NRXN3: variants seen among roughly 807,000 people sequenced by gnomAD.
The protein encoded by NRXN3 is neurexin 3, also known as neurexin III.
In NRXN3, 32 loss-of-function variants were observed where a neutral mutation model predicts 137.6. The ratio of observed to expected loss-of-function variants is 0.23; its 90% CI spans 0.18 to 0.31. The LOEUF (loss-of-function observed/expected upper bound fraction) is 0.31. Ranked by LOEUF, NRXN3 falls within the 10% of genes least tolerant of loss-of-function variation. NRXN3 has a pLI of 1.00. For synonymous variants in NRXN3, 798 were observed against 784.5 expected, an observed-to-expected ratio of 1.02 and a Z score of -0.29; for missense variants, 1,574 against 2,062.5, an observed-to-expected ratio of 0.76 and a Z score of 4.59.
intron 15 of NRXN3, among the ~76,000 whole-genome samples, chr14:79,173,746 G>A (rs1208312893): frequency 6.6e-6 from 1 of 152,044 alleles, no homozygotes; most frequent in Non-Finnish European, 1.5e-5. Flanking sequence ...CTCATACAAT[G>A]ACTCCATGTG....
chr14:79,338,860 T>C (rs1045493642), intron 15 of NRXN3, among the ~76,000 whole-genome samples: 11 of 152,220 alleles, frequency 7.2e-5, no homozygotes, highest in African/African-American at 2.7e-4. Flanking sequence ...TTGTTAATTA[T>C]TTGACATGTT....
intron 4 of NRXN3, among the ~76,000 whole-genome samples, chr14:78,300,081 CTTATTCCTTCAACATGAAA>C (rs1297796306): frequency 2.0e-5 from 3 of 151,378 alleles, no homozygotes; most frequent in East Asian, 3.9e-4. Flanking sequence ...TTTCCTTTTC[CTTATTCCTTCAACATGAAA>C]AAAGGAGGCT....
chr14:79,758,514 G>C (rs759090977), intron 19 of NRXN3, among the ~76,000 whole-genome samples: 1 of 152,110 alleles, frequency 6.6e-6, no homozygotes, highest in Non-Finnish European at 1.5e-5. Context: ...CCATTCATGC[G>C]GGATCTGCCC....
At chr14:79,169,901 A>G (rs1224902752) in intron 15 of NRXN3, among the ~76,000 whole-genome samples, 5 of 152,088 alleles carry the variant, frequency 3.3e-5, no homozygotes, top group South Asian at 4.1e-4. Context: ...AGGCCAATCC[A>G]CAGGTGAGAT....
At chr14:78,600,161 G>A (rs1226718712) in intron 4 of NRXN3, among the ~76,000 whole-genome samples, 2 of 152,084 alleles carry the variant, frequency 1.3e-5, no homozygotes, top group East Asian at 1.9e-4. Context: ...TTGGGTATCC[G>A]ACAGTGGAAC....
At chr14:78,263,834 A>G (rs1283235579) in intron 2 of NRXN3, among the ~76,000 whole-genome samples, 1 of 150,844 alleles carries the variant, frequency 6.6e-6, no homozygotes. Flanking sequence ...TTAATAACAA[A>G]TTTCACCATG....
intron 15 of NRXN3, among the ~76,000 whole-genome samples, chr14:79,408,358 A>G (rs2095353663): frequency 1.3e-5 from 2 of 152,146 alleles, no homozygotes; most frequent in Admixed American, 1.3e-4. Flanking sequence ...ACGCAGCCCA[A>G]CTAACTGAAT....
intron 11 of NRXN3, among the ~76,000 whole-genome samples, chr14:78,961,167 T>G (rs1221713607): frequency 1.3e-5 from 2 of 152,176 alleles, no homozygotes; most frequent in Non-Finnish European, 2.9e-5. Context: ...GATTCTTGAC[T>G]GGTACTCTGT....
At chr14:79,335,662 A>C (rs149663210) in intron 15 of NRXN3, among the ~76,000 whole-genome samples, 1 of 151,924 alleles carries the variant, frequency 6.6e-6, no homozygotes, top group African/African-American at 2.4e-5. Context: ...GATATATACT[A>C]TATATATATC....
At chr14:79,515,849 G>A (rs1162018112) in intron 16 of NRXN3, among the ~76,000 whole-genome samples, 3 of 152,108 alleles carry the variant, frequency 2.0e-5, no homozygotes, top group Admixed American at 6.6e-5. Flanking sequence ...AGTGTTTAGC[G>A]TGGCATAAAA....
At position 78,688,373 on chromosome 14, in the gene NRXN3, C is replaced by T. The variant is rs141828288; in HGVS notation, c.1222-20844C>T. 6.6e-3 allele frequency among the ~76,000 whole-genome samples: 1,006 copies of T among 152,180 alleles called. 8 individuals carry two copies. Among genetic ancestry groups the T allele is most frequent in the African/African-American group, 0.023 (971 of 41,498 alleles). ...CAAGAGAGTATTGAATCTTAAAAGG[C>T]CTCAAGAAGTAAGTATTGCAAGAAA... On this transcript the variant is annotated intron_variant, in intron 6 of 20. Coordinates refer to ENST00000335750, the MANE Select transcript of NRXN3 (RefSeq NM_001330195.2).
intron 8 of NRXN3, among the ~76,000 whole-genome samples, chr14:78,718,710 A>AT (rs1188159991): frequency 1.3e-5 from 2 of 152,060 alleles, no homozygotes; most frequent in Non-Finnish European, 2.9e-5. Flanking sequence ...TTGTATTTAG[A>AT]TTTTTTTCAG....
chr14:79,069,210 G>A (rs1456096523), intron 15 of NRXN3, among the ~76,000 whole-genome samples: 1 of 152,044 alleles, frequency 6.6e-6, no homozygotes, highest in Admixed American at 6.6e-5. Context: ...CACATGAGAA[G>A]TTTATACCTG....
intron 19 of NRXN3, among the ~76,000 whole-genome samples, chr14:79,793,417 A>G (rs1371199538): frequency 6.8e-6 from 1 of 147,500 alleles, no homozygotes; most frequent in Non-Finnish European, 1.5e-5. Context: ...TCCGTCTCAA[A>G]AAAACAAAAA....
chr14:78,923,483 CAGAG>C (rs1358237785), intron 10 of NRXN3, among the ~76,000 whole-genome samples: 1 of 152,172 alleles, frequency 6.6e-6, no homozygotes, highest in African/African-American at 2.4e-5. Flanking sequence ...AGTGGCATCA[CAGAG>C]AGGTTGAGAT....
At chr14:79,766,569 G>T (rs1449520688) in intron 19 of NRXN3, among the ~76,000 whole-genome samples, 2 of 152,192 alleles carry the variant, frequency 1.3e-5, no homozygotes, top group Admixed American at 1.3e-4. Context: ...TGGGGAATTG[G>T]ATTCAATTTA....
chr14:79,420,567 G>A (rs1002800554), intron 15 of NRXN3, among the ~76,000 whole-genome samples: 1 of 152,114 alleles, frequency 6.6e-6, no homozygotes, highest in African/African-American at 2.4e-5. Flanking sequence ...CTAGTAAGGG[G>A]ATTCCTGCAC....
At chr14:78,351,895 C>A (rs1295302861) in intron 4 of NRXN3, among the ~76,000 whole-genome samples, 1 of 150,686 alleles carries the variant, frequency 6.6e-6, no homozygotes, top group Non-Finnish European at 1.5e-5. Flanking sequence ...AAATCTCCTC[C>A]TATTTCGGTG....
chr14:78,276,195 A>G (rs926778336), intron 2 of NRXN3, among the ~76,000 whole-genome samples: 2 of 152,164 alleles, frequency 1.3e-5, no homozygotes, highest in Admixed American at 1.3e-4. Context: ...TACATACAGG[A>G]CTAGAACTAT....
Sources: allele counts gnomAD v4.1 joint callset (sites outside exome capture counted in the v4.1 genomes callset), GRCh38; gene constraint gnomAD v4.1.1; transcripts MANE v1.5; gene names NCBI Gene and HGNC (gene_info 2026-07-23, HGNC 2026-07-21).